The following AMER1 variants were observed in gnomAD, a reference collection of about 807,000 sequenced individuals.
AMER1 encodes RP11-403E24.2.
A neutral mutation model predicts 53.0 loss-of-function variants in AMER1; 16 were observed. The ratio of observed to expected loss-of-function variants is 0.30; its 90% CI spans 0.20 to 0.46. The LOEUF (loss-of-function observed/expected upper bound fraction) is 0.46. AMER1 is among the 20% of genes least tolerant of loss of function. The probability of loss-of-function intolerance (pLI) is 1.00; values close to 1 mark genes in which losing one functional copy is unlikely to be tolerated. For missense variants in AMER1, 947 were observed against 884.9 expected (o/e 1.07, Z -0.89); for synonymous variants, 354 against 331.9 (o/e 1.07, Z -0.73).
intron 1 of AMER1, among the ~76,000 whole-genome samples, chrX:64,203,633 C>A (rs1930537106): frequency 9.0e-6 from 1 of 111,408 alleles, no homozygotes; most frequent in African/African-American, 3.3e-5. Flanking sequence ...AAGAAGTCAC[C>A]ATGGGTGGGC....
In AMER1 at chrX:64,187,974, G is replaced by A. The variant is rs1476478923; in HGVS notation, c.*1905C>T. ...GTGTTAGTGCCATGCAAATTCATGTGGTGCTTCCAGGGGTGCAGCTTCTAC... is the reference window on the plus strand; with the variant it reads ...GTGTTAGTGCCATGCAAATTCATGTAGTGCTTCCAGGGGTGCAGCTTCTAC... On this transcript the variant is annotated 3_prime_UTR_variant, in exon 2 of 2. Coordinates refer to ENST00000374869, the MANE Select transcript of AMER1 (RefSeq NM_152424.4). The A allele has an allele frequency of 2.1e-5, 16 of 778,659 alleles. No individual in the cohort carries two copies. Among genetic ancestry groups the A allele is most frequent in the Non-Finnish European group, 2.4e-5 (16 of 654,574 alleles). 64.2% of individuals were successfully genotyped at this position (778,659 alleles called of 1,213,427 possible). A position where few individuals can be genotyped will look rare whatever the true frequency, so the allele number is the denominator to read the frequency against.
intron 1 of AMER1, 105 bp from the exon 2 acceptor site, chrX:64,193,489 G>C (rs950016051): frequency 1.6e-5 from 8 of 512,237 alleles, no homozygotes; most frequent in Non-Finnish European, 2.6e-5. Context: ...GAACAAGAAA[G>C]AAAATGATGG....
At chrX:64,198,349 A>AC (rs1184717041) in intron 1 of AMER1, among the ~76,000 whole-genome samples, 1 of 109,726 alleles carries the variant, frequency 9.1e-6, no homozygotes, top group Non-Finnish European at 1.9e-5. Flanking sequence ...CTACTCCCAT[A>AC]CCCCCCCATT....
chrX:64,191,132 T>C lies in AMER1; in HGVS notation c.2155A>G (p.Met719Val). ...CSKKDQSTCL[M>V]QLFQSDAMFE... is the part of the protein sequence containing the mutation. Reference sequence around the variant, plus strand: ...ATGGCATCACTCTGGAAGAGCTGCATCAGGCAGGTACTTTGATCTTTCTTG... The same window carrying C: ...ATGGCATCACTCTGGAAGAGCTGCACCAGGCAGGTACTTTGATCTTTCTTG... Residue 719 changes from methionine to valine, a missense_variant, in exon 2 of 2, where the codon ATG becomes GTG. By Grantham distance (21) the Met-to-Val change is conservative. Coordinates refer to ENST00000374869, the MANE Select transcript of AMER1 (RefSeq NM_152424.4). 3 of 1,212,313 alleles carry C rather than the reference T, an allele frequency of 2.5e-6. No individual in the cohort carries two copies. The highest frequency in any genetic ancestry group is 3.3e-6 in the Non-Finnish European group (3 of 895,659).
rs2147090329 is a variant in AMER1 at position 64,192,750 on chromosome X, G to A, written c.537C>T (p.His179=). Reference sequence around the variant, plus strand: ...CAGCCCCAGTGACCTTGCTCTTCCGGTGACGGCGGATACTGCTAAAAAAGC... The same window carrying A: ...CAGCCCCAGTGACCTTGCTCTTCCGATGACGGCGGATACTGCTAAAAAAGC... ...LKGFFSSIRR[H]RKSKVTGAEQ... Residue 179 remains histidine, a synonymous_variant, in exon 2 of 2, where the codon CAC becomes CAT. Transcript: ENST00000374869. The A allele has an allele frequency of 4.1e-6, 5 of 1,205,456 alleles. No homozygotes were observed. The South Asian group carries it at 8.9e-5, about 22-fold the overall frequency.
chrX:64,195,045 C>G (rs780235626), intron 1 of AMER1, among the ~76,000 whole-genome samples: 1 of 111,998 alleles, frequency 8.9e-6, no homozygotes, highest in African/African-American at 3.3e-5. Context: ...CTGCAGAGAT[C>G]TGAATTGCCA....
At chrX:64,198,451 C>T (rs1368469109) in intron 1 of AMER1, among the ~76,000 whole-genome samples, 1 of 111,691 alleles carries the variant, frequency 9.0e-6, no homozygotes, top group Non-Finnish European at 1.9e-5. Context: ...TGGGAAAAGA[C>T]TTGTCCAAGG....
At position 64,188,230 on chromosome X, in the gene AMER1, G is replaced by A. The variant is rs1930146662; in HGVS notation, c.*1649C>T. 1.2e-6 allele frequency: 1 copy of A among 804,132 alleles called. No homozygotes were observed. The highest frequency in any genetic ancestry group is 1.5e-6 in the Non-Finnish European group (1 of 669,828). 66.3% of individuals were successfully genotyped at this position (804,132 alleles called of 1,213,427 possible). A position where few individuals can be genotyped will look rare whatever the true frequency, so the allele number is the denominator to read the frequency against. Reference sequence around the variant, plus strand: ...CAGGCATGGAGATGGTGGGATGTGAGGGCGAGGGTGCAATAATCATAATTT... The same window carrying A: ...CAGGCATGGAGATGGTGGGATGTGAAGGCGAGGGTGCAATAATCATAATTT... On this transcript the variant is annotated 3_prime_UTR_variant, in exon 2 of 2. Transcript: ENST00000374869.
At chrX:64,203,811 T>C (rs1930540561) in intron 1 of AMER1, among the ~76,000 whole-genome samples, 1 of 111,655 alleles carries the variant, frequency 9.0e-6, no homozygotes, top group Non-Finnish European at 1.9e-5. Flanking sequence ...AGAGGGCAGG[T>C]CCAGCCCTGG....
rs1930145661 is a variant in AMER1 at position 64,188,184 on chromosome X, C to A, written c.*1695G>T. The A allele has an allele frequency of 5.0e-6, 4 of 805,343 alleles. No individual in the cohort carries two copies. The highest frequency in any genetic ancestry group is 6.0e-6 in the Non-Finnish European group (4 of 670,484). The allele number at this position is 805,343 out of a possible 1,213,427, so 66.4% of individuals were successfully genotyped here. On this transcript the variant is annotated 3_prime_UTR_variant, in exon 2 of 2. Transcript: ENST00000374869. The stretch of plus-strand genomic sequence containing the variant: ...GCCATATCTCAGGAATGGCAAGAAC[C>A]CTGTTGACTTCTTCTCTCAACAGGC...
intron 1 of AMER1, among the ~76,000 whole-genome samples, chrX:64,201,672 G>A (rs189459003): frequency 1.7e-4 from 19 of 111,922 alleles, no homozygotes; most frequent in African/African-American, 5.8e-4. Context: ...AATAACATTG[G>A]ACATTCTCTC....
rs141254979 is a variant in AMER1 at position 64,190,767 on chromosome X, G to T, written c.2520C>A (p.Ala840=). ...NDEDLAASLE[A]FELGYYHKHA... ...GTTTGTGATAGTAGCCCAGCTCAAA[G>T]GCTTCCAAGGAGGCTGCAAGATCTT... Residue 840 remains alanine, a synonymous_variant, in exon 2 of 2, where the codon GCC becomes GCA. Coordinates refer to ENST00000374869, the MANE Select transcript of AMER1 (RefSeq NM_152424.4). 1.0e-5 allele frequency: 12 copies of T among 1,205,467 alleles called. No homozygotes were observed. The South Asian group carries it at 1.8e-4, about 18-fold the overall frequency.
chrX:64,199,819 T>C (rs1379012422), intron 1 of AMER1, among the ~76,000 whole-genome samples: 1 of 112,506 alleles, frequency 8.9e-6, no homozygotes. Context: ...TATTCTGCAT[T>C]GCCTACAGGA....
rs1358386088 is a variant in AMER1 at position 64,187,534 on chromosome X, G to T, written c.*2345C>A. 1.0e-5 allele frequency: 8 copies of T among 779,255 alleles called. No individual in the cohort carries two copies. Among genetic ancestry groups the T allele is most frequent in the Admixed American group, 8.3e-5 (1 of 12,113 alleles). The allele number at this position is 779,255 out of a possible 1,213,427, so 64.2% of individuals were successfully genotyped here. On this transcript the variant is annotated 3_prime_UTR_variant, in exon 2 of 2. Transcript: ENST00000374869. ...GCTCTCAGCCCTTAGCCAAAGGTTG[G>T]CCACCTCCTTTTTCTCTTCCCAGAT...
rs752857319 is a variant in AMER1, at chrX:64,187,892, C to T, written c.*1987G>A. ...GCTCCACAACAGATACATTTCTTCA[C>T]AATGTATCTGTAGCCAAAGTCAGCC... is the stretch of plus-strand genomic sequence containing the variant. On this transcript the variant is annotated 3_prime_UTR_variant, in exon 2 of 2. Transcript: ENST00000374869. 1.7e-4 allele frequency: 131 copies of T among 776,123 alleles called. 2 individuals carry two copies. In the South Asian group the frequency reaches 8.4e-3, roughly 50 times the overall value. The allele number at this position is 776,123 out of a possible 1,213,427, so 64.0% of individuals were successfully genotyped here.
In AMER1 at chrX:64,187,356, C is replaced by A; in HGVS notation, c.*2523G>T. On this transcript the variant is annotated 3_prime_UTR_variant, in exon 2 of 2. Coordinates refer to ENST00000374869, the MANE Select transcript of AMER1 (RefSeq NM_152424.4). ...CTGGCTAGGGCAGTGAAGGGACTTG[C>A]AGGCAGCAAGGCTGTCCAAACCATG... The A allele has an allele frequency of 1.3e-6, 1 of 792,996 alleles. No homozygotes were observed. Among genetic ancestry groups the A allele is most frequent in the Non-Finnish European group, 1.5e-6 (1 of 662,518 alleles). The allele number at this position is 792,996 out of a possible 1,213,427, so 65.4% of individuals were successfully genotyped here. A position where few individuals can be genotyped will look rare whatever the true frequency, so the allele number is the denominator to read the frequency against.
rs2147085635 is a variant in AMER1, at chrX:64,190,648, G to T, written c.2639C>A (p.Pro880His). Residue 880 changes from proline (P) to histidine (H), a missense_variant, in exon 2 of 2, where the codon CCT (proline) becomes CAT (histidine). By Grantham distance (77) the Pro-to-His change is moderately conservative (BLOSUM62 -2). Coordinates refer to ENST00000374869, the MANE Select transcript of AMER1 (RefSeq NM_152424.4). Reference sequence around the variant, plus strand: ...GGCCATAGCAGCAGGTGGAGGTCGAGGGTGCAGGCCAGGCAGTCCCAAGTA... The same window carrying T: ...GGCCATAGCAGCAGGTGGAGGTCGATGGTGCAGGCCAGGCAGTCCCAAGTA... ...PRYLGLPGLH[P>H]RPPPAAMALN... 8.3e-7 allele frequency: 1 copy of T among 1,211,949 alleles called. No individual in the cohort carries two copies. The highest frequency in any genetic ancestry group is 2.3e-4 in the Middle Eastern group (1 of 4,354).
Position 64,190,411 on chromosome X carries a change from G to A in AMER1, c.2876C>T (p.Pro959Leu), listed in dbSNP as rs1293850001. ...YTEPPGAYDW[P>L]AWAPCPLPVG... ...TGGAAGAGGACAGGGAGCCCAAGCA[G>A]GCCAATCATAGGCCCCTGGGGGTTC... The change falls in exon 2 of 2, where the codon CCT (proline) becomes CTT (leucine). Residue 959 changes from proline (P) to leucine (L), a missense_variant. Pro to Leu is a moderately conservative substitution (Grantham distance 98). Coordinates refer to ENST00000374869, the MANE Select transcript of AMER1 (RefSeq NM_152424.4). The A allele has an allele frequency of 1.7e-6, 2 of 1,210,393 alleles. No homozygotes were observed. Among genetic ancestry groups the A allele is most frequent in the African/African-American group, 1.7e-5 (1 of 57,445 alleles).
rs747857905 is a variant in AMER1 at position 64,190,964 on chromosome X, C to G, written c.2323G>C (p.Glu775Gln). The part of the protein sequence containing the change: ...ATVSFSQALV[E>Q]FTSNGNLFSS... ...AAGAGGTTCCCATTGCTGGTGAACTCTACCAGGGCCTGTGAGAAACTCACA... is the reference window on the plus strand; with the variant it reads ...AAGAGGTTCCCATTGCTGGTGAACTGTACCAGGGCCTGTGAGAAACTCACA... The change falls in exon 2 of 2, where the codon GAG becomes CAG. Residue 775 changes from glutamate to glutamine, a missense_variant. Coordinates refer to ENST00000374869, the MANE Select transcript of AMER1 (RefSeq NM_152424.4). 1 of 1,211,395 alleles carries G rather than the reference C, an allele frequency of 8.3e-7. No homozygotes were observed. Among genetic ancestry groups the G allele is most frequent in the Non-Finnish European group, 1.1e-6 (1 of 895,351 alleles).
Sources: gnomAD v4.1 joint callset for allele counts (sites outside exome capture counted in the v4.1 genomes callset) on GRCh38, gnomAD v4.1.1 for gene constraint, MANE v1.5 for transcripts, NCBI Gene and HGNC (gene_info 2026-07-23, HGNC 2026-07-21) for gene names.